Variants in ARID5B observed in about 807,000 individuals in gnomAD.
ARID5B encodes AT-rich interaction domain 5B.
Under a neutral mutation model 97.2 loss-of-function variants are expected in ARID5B, and 13 were observed. The observed-to-expected ratio is 0.13, with a 90% confidence interval of 0.09 to 0.21. The LOEUF is 0.21. Among genes scored for constraint, ARID5B ranks in the 10% least tolerant of loss-of-function variants. The pLI, the probability that ARID5B is intolerant of heterozygous loss-of-function variation, is 1.00. For missense variants in ARID5B, 1,210 were observed against 1,465.3 expected, an observed-to-expected ratio of 0.83 and a Z score of 2.84; for synonymous variants, 556 against 570.3, an observed-to-expected ratio of 0.97 and a Z score of 0.36.
At chr10:61,976,125 T>G (rs1220045682) in intron 3 of ARID5B, among the ~76,000 whole-genome samples, 1 of 152,238 alleles carries the variant, frequency 6.6e-6, no homozygotes, top group African/African-American at 2.4e-5. Context: ...GCCAATAGAA[T>G]GCTCTTCAAT....
chr10:62,059,701 A>G lies in ARID5B; in HGVS notation c.1101+406A>G, dbSNP rs548609470. Among the ~76,000 whole-genome samples the G allele has an allele frequency of 2.6e-5, 4 of 152,320 alleles. No homozygotes were observed. The East Asian group carries it at 7.7e-4, about 29-fold the overall frequency. ...CTTTCAAAAGTAATCAGTATTGGCCATTAAGGAATAGAATGCAGCAGAATC... is the reference window on the plus strand; with the variant it reads ...CTTTCAAAAGTAATCAGTATTGGCCGTTAAGGAATAGAATGCAGCAGAATC... On this transcript the variant is annotated intron_variant, in intron 7 of 9. Coordinates refer to ENST00000279873, the MANE Select transcript of ARID5B (RefSeq NM_032199.3).
intron 3 of ARID5B, among the ~76,000 whole-genome samples, chr10:61,955,471 G>A (rs941795596): frequency 1.3e-5 from 2 of 152,020 alleles, no homozygotes; most frequent in Non-Finnish European, 2.9e-5. Context: ...GAAGGAGAGG[G>A]GAATTGAATG....
intron 7 of ARID5B, among the ~76,000 whole-genome samples, chr10:62,068,324 C>G (rs1165585650): frequency 6.6e-6 from 1 of 151,996 alleles, no homozygotes; most frequent in African/African-American, 2.4e-5. Context: ...CCGATTGGTG[C>G]AAGAATGCTT....
intron 7 of ARID5B, among the ~76,000 whole-genome samples, chr10:62,062,471 A>C (rs1839933156): frequency 6.6e-6 from 1 of 152,186 alleles, no homozygotes; most frequent in Non-Finnish European, 1.5e-5. Flanking sequence ...AGGTGATGTT[A>C]ATTCAAATCC....
chr10:61,993,558 G>T (rs1386302954), intron 3 of ARID5B, among the ~76,000 whole-genome samples: 1 of 151,904 alleles, frequency 6.6e-6, no homozygotes, highest in Non-Finnish European at 1.5e-5. Flanking sequence ...TGTTGGTAAT[G>T]ATAGTAACAG....
intron 8 of ARID5B, among the ~76,000 whole-genome samples, chr10:62,085,085 C>T (rs1354517653): frequency 2.0e-5 from 3 of 152,208 alleles, no homozygotes; most frequent in African/African-American, 7.2e-5. Flanking sequence ...TCAGATCTCA[C>T]CTCTAACAAA....
chr10:62,048,330 G>A (rs577647092), intron 4 of ARID5B, among the ~76,000 whole-genome samples: 18 of 152,206 alleles, frequency 1.2e-4, no homozygotes, highest in African/African-American at 4.1e-4. Flanking sequence ...TCTCCAGTCT[G>A]GTATAATAAT....
chr10:61,972,225 CTT>C (rs71022106), intron 3 of ARID5B, among the ~76,000 whole-genome samples: 11,940 of 112,768 alleles, frequency 0.11, 444 homozygotes, highest in African/African-American at 0.2. Context: ...TTATATCATG[CTT>C]TTTTTTTTTT....
intron 4 of ARID5B, among the ~76,000 whole-genome samples, chr10:62,031,674 A>C (rs978157881): frequency 2.0e-5 from 3 of 152,048 alleles, no homozygotes; most frequent in African/African-American, 7.2e-5. Context: ...GTCAGCAAAG[A>C]CCCTAGCAGA....
At chr10:61,997,814 T>C (rs1355826972) in intron 3 of ARID5B, among the ~76,000 whole-genome samples, 3 of 152,308 alleles carry the variant, frequency 2.0e-5, no homozygotes, top group East Asian at 3.8e-4. Context: ...TTAAAAACTC[T>C]GGAGAAACGA....
intron 3 of ARID5B, among the ~76,000 whole-genome samples, chr10:61,987,637 C>A (rs945131519): frequency 4.6e-5 from 7 of 152,236 alleles, no homozygotes. Flanking sequence ...AATCACACAA[C>A]TGTGCCGTCG....
At chr10:61,904,114 T>C (rs1202680177) in intron 2 of ARID5B, among the ~76,000 whole-genome samples, 2 of 136,082 alleles carry the variant, frequency 1.5e-5, no homozygotes, top group African/African-American at 5.4e-5. Context: ...CCTCCTGATT[T>C]CTTATTATTT....
chr10:61,961,079 C>A (rs747661068), intron 3 of ARID5B, among the ~76,000 whole-genome samples: 63 of 152,172 alleles, frequency 4.1e-4, no homozygotes, highest in Non-Finnish European at 6.9e-4. Flanking sequence ...AACTCTTAAG[C>A]CTTAAATCAG....
At chr10:61,937,002 C>A (rs900545035) in intron 2 of ARID5B, among the ~76,000 whole-genome samples, 1 of 152,130 alleles carries the variant, frequency 6.6e-6, no homozygotes, top group African/African-American at 2.4e-5. Flanking sequence ...AGATAGGAAA[C>A]CTGGATCTTT....
At chr10:61,904,091 C>G (rs923443058) in intron 2 of ARID5B, among the ~76,000 whole-genome samples, 1 of 146,974 alleles carries the variant, frequency 6.8e-6, no homozygotes, top group African/African-American at 2.5e-5. Flanking sequence ...GTCTTCCTCC[C>G]CCTCCCTCTC....
intron 4 of ARID5B, among the ~76,000 whole-genome samples, chr10:62,032,519 A>T (rs1354032429): frequency 6.6e-6 from 1 of 152,090 alleles, no homozygotes; most frequent in Non-Finnish European, 1.5e-5. Flanking sequence ...GTTTGAGACC[A>T]GCCTGGCCAA....
At chr10:61,923,728 G>A (rs1158798435) in intron 2 of ARID5B, among the ~76,000 whole-genome samples, 1 of 152,176 alleles carries the variant, frequency 6.6e-6, no homozygotes, top group Admixed American at 6.5e-5. Flanking sequence ...TCTGACAAAG[G>A]ACTAGAAGGA....
chr10:61,967,009 C>T (rs1308186073), intron 3 of ARID5B, among the ~76,000 whole-genome samples: 1 of 151,986 alleles, frequency 6.6e-6, no homozygotes, highest in Non-Finnish European at 1.5e-5. Flanking sequence ...TAATGGTTAG[C>T]TCAGAAAACC....
chr10:62,074,787 A>G (rs1317824481), intron 8 of ARID5B, among the ~76,000 whole-genome samples: 2 of 152,230 alleles, frequency 1.3e-5, no homozygotes, highest in Non-Finnish European at 2.9e-5. Context: ...AGTGCTACTC[A>G]AATGAGATTT....
Sources: allele counts gnomAD v4.1 joint callset (sites outside exome capture counted in the v4.1 genomes callset), GRCh38; gene constraint gnomAD v4.1.1; transcripts MANE v1.5; gene names NCBI Gene and HGNC (gene_info 2026-07-23, HGNC 2026-07-21).